Variants in PRR14L observed in about 807,000 individuals in gnomAD.
The protein encoded by PRR14L is proline rich 14 like.
Under a neutral mutation model 155.0 loss-of-function variants are expected in PRR14L, and 80 were observed. The ratio of observed to expected loss-of-function variants is 0.52; its 90% confidence interval spans 0.43 to 0.62. The LOEUF (loss-of-function observed/expected upper bound fraction) is 0.62, where lower values mean the gene tolerates loss of function less well. Among genes scored for constraint, PRR14L ranks in the 20% least tolerant of loss-of-function variants. The pLI is 0.00. For missense variants in PRR14L, 2,469 were observed against 2,548.0 expected (o/e 0.97, Z 0.67); for synonymous variants, 883 against 916.0 (o/e 0.96, Z 0.65).
At position 31,712,079 on chromosome 22, in the gene PRR14L, T is replaced by C. The variant is rs1208397919; in HGVS notation, c.5756+4A>G. The stretch of plus-strand genomic sequence containing the variant: ...ATTTGTAAAGAACAGGGGACAGATT[T>C]TACCTGCTTGTGGTGCCCAGACTTG... On this transcript the variant is annotated splice_donor_region_variant and intron_variant, in intron 4 of 8. Transcript: ENST00000327423. The C allele has an allele frequency of 1.9e-6, 3 of 1,604,228 alleles. No homozygotes were observed. The highest frequency in any genetic ancestry group is 2.7e-5 in the African/African-American group (2 of 74,344).
intron 3 of PRR14L, among the ~76,000 whole-genome samples, chr22:31,721,499 C>T (rs112629800): frequency 2.0e-5 from 3 of 149,328 alleles, no homozygotes; most frequent in Non-Finnish European, 4.4e-5. Flanking sequence ...ACCCGGGAGG[C>T]GGAGTTTGCA....
chr22:31,740,613 G>A (rs1367668172), intron 1 of PRR14L, among the ~76,000 whole-genome samples: 1 of 151,858 alleles, frequency 6.6e-6, no homozygotes, highest in African/African-American at 2.4e-5. Flanking sequence ...CTCCTGCCTT[G>A]GCCCCGCAAA....
At chr22:31,738,097 A>T (rs1042439206) in intron 2 of PRR14L, among the ~76,000 whole-genome samples, 1 of 152,134 alleles carries the variant, frequency 6.6e-6, no homozygotes, top group African/African-American at 2.4e-5. Context: ...GTATATCTAT[A>T]TCATTTCTTA....
At chr22:31,747,172 A>C (rs1231477285) in intron 1 of PRR14L, among the ~76,000 whole-genome samples, 1 of 141,376 alleles carries the variant, frequency 7.1e-6, no homozygotes, top group Non-Finnish European at 1.5e-5. Flanking sequence ...GTGCAACAGC[A>C]TGATCTCGGC....
chr22:31,723,828 G>A (rs1459642914), intron 3 of PRR14L, among the ~76,000 whole-genome samples: 2 of 152,186 alleles, frequency 1.3e-5, no homozygotes, highest in African/African-American at 2.4e-5. Flanking sequence ...TTTCATCACA[G>A]TAACAAAATA....
rs766273599 is a variant in PRR14L at position 31,713,895 on chromosome 22, T to C, written c.3944A>G (p.His1315Arg). 5.5e-5 allele frequency: 86 copies of C among 1,552,062 alleles called. No homozygotes were observed. The East Asian group carries it at 2.1e-3, about 37-fold the overall frequency. The change falls in exon 4 of 9, where the codon CAC becomes CGC. Residue 1315 changes from histidine to arginine, a missense_variant. Transcript: ENST00000327423. Reference sequence around the variant, plus strand: ...CAAATGTCTGTCAGAGGAATTCTCGTGAGGGTGACAAGCTTTGCAAGCATT... The same window carrying C: ...CAAATGTCTGTCAGAGGAATTCTCGCGAGGGTGACAAGCTTTGCAAGCATT... ...EKNACKACHP[H>R]ENSSDRHLPL...
chr22:31,746,850 G>T (rs563993826), intron 1 of PRR14L, among the ~76,000 whole-genome samples: 1 of 148,888 alleles, frequency 6.7e-6, no homozygotes, highest in Non-Finnish European at 1.5e-5. Context: ...AGGCTGGAGC[G>T]CAGTGGCGCG....
intron 1 of PRR14L, among the ~76,000 whole-genome samples, chr22:31,744,133 ATTTT>A (rs1043296702): frequency 7.3e-6 from 1 of 137,184 alleles, no homozygotes; most frequent in Non-Finnish European, 1.6e-5. Flanking sequence ...TGCCTGGTTA[ATTTT>A]TTTTTTTTTT....
Position 31,714,780 on chromosome 22 carries a change from C to A in PRR14L, c.3059G>T (p.Gly1020Val). 6.4e-7 allele frequency: 1 copy of A among 1,552,342 alleles called. No individual in the cohort carries two copies. Among genetic ancestry groups the A allele is most frequent in the Non-Finnish European group, 8.7e-7 (1 of 1,147,132 alleles). Reference protein sequence around the residue: ...HNQKDLLVSSGSNNSLPCGSP... With the variant: ...HNQKDLLVSSVSNNSLPCGSP... ...ACCACAAGGTAGTGAGTTATTACTG[C>A]CTGAGCTGACCAGCAGATCCTTTTG... is the stretch of plus-strand genomic sequence containing the variant. Residue 1020 changes from glycine to valine, a missense_variant, in exon 4 of 9, where the codon GGC becomes GTC. By Grantham distance (109) the Gly-to-Val change is moderately radical. This residue lies in a region of PRR14L where 2,363 missense variants were observed against 2,371.6 expected (regional missense o/e 1.00). Transcript: ENST00000327423.
intron 4 of PRR14L, 152 bp from the exon 5 acceptor site, chr22:31,704,878 G>C: frequency 1.7e-6 from 1 of 579,694 alleles, no homozygotes; most frequent in East Asian, 3.0e-5. Context: ...AACCAGGAGA[G>C]TTATATTTAT....
chr22:31,710,718 C>T (rs903097218), intron 4 of PRR14L, among the ~76,000 whole-genome samples: 2 of 152,066 alleles, frequency 1.3e-5, no homozygotes, highest in Admixed American at 6.6e-5. Context: ...CCTCCCAAAG[C>T]GCTGGGATTA....
chr22:31,710,963 C>T (rs1395847929), intron 4 of PRR14L, among the ~76,000 whole-genome samples: 1 of 152,158 alleles, frequency 6.6e-6, no homozygotes, highest in Non-Finnish European at 1.5e-5. Flanking sequence ...TCTACATTGC[C>T]AAAAGGCAGG....
intron 1 of PRR14L, among the ~76,000 whole-genome samples, chr22:31,743,116 C>T (rs2074820960): frequency 6.6e-6 from 1 of 152,062 alleles, no homozygotes; most frequent in South Asian, 2.1e-4. Context: ...TCCTGGGTAA[C>T]ACGGTGACAC....
intron 8 of PRR14L, among the ~76,000 whole-genome samples, chr22:31,687,467 C>A (rs1258807126): frequency 2.6e-5 from 4 of 151,664 alleles, no homozygotes; most frequent in African/African-American, 9.7e-5. Flanking sequence ...AATTCTCCTG[C>A]CTCAGCCTCC....
Position 31,738,563 on chromosome 22 carries a change from C to T in PRR14L, c.298G>A (p.Gly100Arg), listed in dbSNP as rs1364025516. 3.2e-6 allele frequency: 5 copies of T among 1,551,942 alleles called. No individual in the cohort carries two copies. The Admixed American group carries it at 7.8e-5, about 24-fold the overall frequency. ...GRCGLVDSTAGGSVASGILDR... is the reference protein window; with the variant it reads ...GRCGLVDSTARGSVASGILDR... ...AAGATCCCAGATGCCACAGAACCTCCTGCTGTGGAGTCCACTAGCCCACAT... is the reference window on the plus strand; with the variant it reads ...AAGATCCCAGATGCCACAGAACCTCTTGCTGTGGAGTCCACTAGCCCACAT... The change falls in exon 2 of 9, where the codon GGA becomes AGA. Residue 100 changes from glycine to arginine, a missense_variant. Physicochemically the swap from Gly to Arg is moderately radical, Grantham distance 125. Coordinates refer to ENST00000327423, the MANE Select transcript of PRR14L (RefSeq NM_173566.3).
chr22:31,702,615 A>C (rs1417831535), intron 6 of PRR14L, among the ~76,000 whole-genome samples: 2 of 152,098 alleles, frequency 1.3e-5, no homozygotes, highest in African/African-American at 4.8e-5. Context: ...TCCTGGGTTT[A>C]AGCGAATCTA....
chr22:31,740,547 G>A (rs1368574081), intron 1 of PRR14L, among the ~76,000 whole-genome samples: 1 of 151,898 alleles, frequency 6.6e-6, no homozygotes, highest in South Asian at 2.1e-4. Context: ...TTTTGGTGGA[G>A]ACAAAGTTTT....
chr22:31,699,837 A>G (rs1420796483), intron 7 of PRR14L, among the ~76,000 whole-genome samples: 1 of 152,152 alleles, frequency 6.6e-6, no homozygotes, highest in East Asian at 1.9e-4. Flanking sequence ...GCTTTTCCAT[A>G]AACTTAATGT....
At chr22:31,749,681 C>T (rs768990214) in intron 1 of PRR14L, among the ~76,000 whole-genome samples, 1 of 152,198 alleles carries the variant, frequency 6.6e-6, no homozygotes, top group Non-Finnish European at 1.5e-5. Context: ...CGTACGCCTC[C>T]GATAAGGGGC....
Sources: gnomAD v4.1 joint callset for allele counts (sites outside exome capture counted in the v4.1 genomes callset) on GRCh38, gnomAD v4.1.1 for gene constraint, gnomAD v4.1.1 regional missense constraint, MANE v1.5 for transcripts, NCBI Gene and HGNC (gene_info 2026-07-23, HGNC 2026-07-21) for gene names.